Variants in LRBA observed in about 807,000 individuals in gnomAD.
The protein encoded by LRBA is LPS responsive beige-like anchor protein.
Under a neutral mutation model 330.0 loss-of-function variants are expected in LRBA, and 176 were observed. That is an observed-to-expected ratio of 0.53 (90% CI 0.47 to 0.60). LRBA has a LOEUF of 0.60. LRBA is among the 20% of genes least tolerant of loss of function. The pLI is 0.00. For missense variants in LRBA, 3,259 were observed against 3,444.8 expected, an observed-to-expected ratio of 0.95 and a Z score of 1.35; for synonymous variants, 1,230 against 1,193.0, an observed-to-expected ratio of 1.03 and a Z score of -0.64.
At chr4:150,999,644 T>A (rs1259336510) in intron 2 of LRBA, among the ~76,000 whole-genome samples, 1 of 150,384 alleles carries the variant, frequency 6.6e-6, no homozygotes, top group African/African-American at 2.4e-5. Flanking sequence ...GCTATTCACA[T>A]AGGAAGTCCA....
chr4:150,655,892 T>A (rs1280790548), intron 37 of LRBA, among the ~76,000 whole-genome samples: 1 of 152,196 alleles, frequency 6.6e-6, no homozygotes, highest in African/African-American at 2.4e-5. Flanking sequence ...AAAGGTTCTA[T>A]ATTACTGTAT....
chr4:150,270,951 G>C (rs140871837), intron 56 of LRBA, among the ~76,000 whole-genome samples: 1 of 152,328 alleles, frequency 6.6e-6, no homozygotes, highest in African/African-American at 2.4e-5. Flanking sequence ...CTGGTCTGCA[G>C]CTCCCAGTGA....
intron 2 of LRBA, among the ~76,000 whole-genome samples, chr4:151,008,651 T>A (rs78717465): frequency 2.9e-4 from 44 of 150,432 alleles, no homozygotes; most frequent in African/African-American, 1.0e-3. Context: ...TATTCAAGAG[T>A]CAACTGCATA....
chr4:150,581,365 C>A, intron 40 of LRBA: 1 of 441,204 alleles, frequency 2.3e-6, no homozygotes, highest in Non-Finnish European at 4.6e-6. Context: ...AGCAACTGCT[C>A]TGATTCTTGG....
intron 40 of LRBA, chr4:150,584,234 CAGA>C: frequency 9.2e-7 from 1 of 1,082,308 alleles, no homozygotes; most frequent in South Asian, 3.0e-5. Flanking sequence ...AGGAATCCGG[CAGA>C]AGACCTTCAT....
chr4:150,584,232 G>A, intron 40 of LRBA: 3 of 1,113,886 alleles, frequency 2.7e-6, no homozygotes, highest in Middle Eastern at 2.2e-4. Flanking sequence ...ATAGGAATCC[G>A]GCAGAAGACC....
chr4:150,403,067 T>G (rs1324094025), intron 47 of LRBA, among the ~76,000 whole-genome samples: 6 of 152,160 alleles, frequency 3.9e-5, no homozygotes, highest in African/African-American at 1.4e-4. Context: ...AAGCAGTCAT[T>G]TATCGGGTAA....
At chr4:150,686,167 G>A (rs192516881) in intron 36 of LRBA, among the ~76,000 whole-genome samples, 2 of 152,222 alleles carry the variant, frequency 1.3e-5, no homozygotes, top group East Asian at 3.9e-4. Context: ...TCTAAGATTG[G>A]GTCAATCCGA....
chr4:150,574,555 G>A (rs1770290881), intron 40 of LRBA, among the ~76,000 whole-genome samples: 2 of 151,872 alleles, frequency 1.3e-5, no homozygotes, highest in African/African-American at 4.8e-5. Context: ...CAAAAATTTG[G>A]GACTTTTTGT....
intron 23 of LRBA, 115 bp from the exon 24 acceptor site, chr4:150,851,017 A>G (rs904622519): frequency 4.6e-5 from 30 of 653,208 alleles, no homozygotes; most frequent in African/African-American, 2.9e-4. Context: ...TTAAGACACT[A>G]TAAGAACCAA....
At chr4:150,840,124 T>C (rs925826114) in intron 28 of LRBA, among the ~76,000 whole-genome samples, 2 of 152,252 alleles carry the variant, frequency 1.3e-5, no homozygotes, top group African/African-American at 4.8e-5. Flanking sequence ...TTATCTGAAA[T>C]AGGCTTTGGC....
chr4:150,583,993 C>A lies in LRBA; in HGVS notation c.6330+4055G>T. On this transcript the variant is annotated intron_variant, in intron 40 of 56. Transcript: ENST00000651943. This position sits in a 1 kb window ranked among gnomAD's most constrained non-coding sequence, Gnocchi z 9.8. ...CCGCCGCTGCCCTCACTACTTTCTG[C>A]CCAACCTCGACCTCTTTCAGGGCAA... The A allele has an allele frequency of 6.2e-7, 1 of 1,614,124 alleles. No homozygotes were observed. The highest frequency in any genetic ancestry group is 1.1e-5 in the South Asian group (1 of 91,056).
chr4:150,477,373 C>T (rs928405172), intron 42 of LRBA, among the ~76,000 whole-genome samples: 6 of 152,110 alleles, frequency 3.9e-5, no homozygotes, highest in Admixed American at 3.9e-4. Context: ...TATAGTTCCA[C>T]ATGGCTGGAG....
intron 47 of LRBA, among the ~76,000 whole-genome samples, chr4:150,400,201 A>G (rs1300197385): frequency 3.9e-5 from 6 of 152,246 alleles, no homozygotes; most frequent in Admixed American, 2.6e-4. Flanking sequence ...TGGGAAAGCT[A>G]TAAGTAACCA....
chr4:150,393,892 T>C (rs1021784929), intron 47 of LRBA, among the ~76,000 whole-genome samples: 3 of 152,238 alleles, frequency 2.0e-5, no homozygotes, highest in Non-Finnish European at 4.4e-5. Context: ...TTATTAATGT[T>C]GACTTTATAA....
chr4:150,639,426 G>T (rs1333930396), intron 37 of LRBA, among the ~76,000 whole-genome samples: 1 of 142,980 alleles, frequency 7.0e-6, no homozygotes, highest in African/African-American at 2.5e-5. Flanking sequence ...TGGGAATAAT[G>T]AGATCTAAAT....
chr4:150,884,582 A>T (rs1340387210), intron 17 of LRBA, among the ~76,000 whole-genome samples: 2 of 152,186 alleles, frequency 1.3e-5, no homozygotes. Context: ...GGAAAACCCT[A>T]AGAGTGCTAT....
At chr4:150,953,034 C>A (rs2149547512) in intron 2 of LRBA, among the ~76,000 whole-genome samples, 1 of 152,288 alleles carries the variant, frequency 6.6e-6, no homozygotes, top group Non-Finnish European at 1.5e-5. Flanking sequence ...AAAGTTCACA[C>A]TGCTAGAGTG....
At chr4:150,615,649 T>G (rs958294794) in intron 37 of LRBA, among the ~76,000 whole-genome samples, 20 of 152,120 alleles carry the variant, frequency 1.3e-4, no homozygotes, top group Admixed American at 4.6e-4. Flanking sequence ...ATAAAGAAAG[T>G]CTAAAATTTG....
Sources: allele counts gnomAD v4.1 joint callset (sites outside exome capture counted in the v4.1 genomes callset), GRCh38; gene constraint gnomAD v4.1.1; non-coding constraint Gnocchi (gnomAD v3.1); transcripts MANE v1.5; gene names NCBI Gene and HGNC (gene_info 2026-07-23, HGNC 2026-07-21).